Variants in STK32B observed in about 807,000 individuals in gnomAD.
The protein encoded by STK32B is serine/threonine kinase 32B.
STK32B carries 43 observed loss-of-function variants against 52.6 expected under a neutral mutation model. The ratio of observed to expected loss-of-function variants is 0.82; its 90% CI spans 0.64 to 1.05. The LOEUF is 1.05. Among genes scored for constraint, STK32B ranks in the 50% least tolerant of loss-of-function variants. The probability of loss-of-function intolerance (pLI) is 0.00; values close to 1 mark genes in which losing one functional copy is unlikely to be tolerated. For synonymous variants in STK32B, 238 were observed against 204.3 expected, an observed-to-expected ratio of 1.17 and a Z score of -1.41; for missense variants, 621 against 534.6, an observed-to-expected ratio of 1.16 and a Z score of -1.59.
chr4:5,129,942 T>C (rs944852481), intron 1 of STK32B, among the ~76,000 whole-genome samples: 3 of 152,154 alleles, frequency 2.0e-5, no homozygotes, highest in African/African-American at 4.8e-5. Flanking sequence ...TTCTAGGTGC[T>C]TGGGATGCTG....
chr4:5,312,530 A>G (rs1185002597), intron 3 of STK32B, among the ~76,000 whole-genome samples: 1 of 151,320 alleles, frequency 6.6e-6, no homozygotes, highest in African/African-American at 2.4e-5. Context: ...GAGTGAGAAC[A>G]TGCGTGTTTG....
At chr4:5,449,053 T>C (rs892919512) in intron 7 of STK32B, among the ~76,000 whole-genome samples, 1 of 152,126 alleles carries the variant, frequency 6.6e-6, no homozygotes, top group African/African-American at 2.4e-5. Context: ...AAGAAAGTCA[T>C]AGTGGAGGCT....
At position 5,216,698 on chromosome 4, in the gene STK32B, C is replaced by T. The variant is rs147494559; in HGVS notation, c.260+48248C>T. On this transcript the variant is annotated intron_variant, in intron 3 of 11. Coordinates refer to ENST00000282908, the MANE Select transcript of STK32B (RefSeq NM_018401.3). The stretch of plus-strand genomic sequence containing the variant: ...AGTGTGATGGATGTGCAGAACACAG[C>T]GGGGAAGGCTGAAGGAGCTGGAGGT... Among the ~76,000 whole-genome samples the T allele has an allele frequency of 1.9e-4, 29 of 152,194 alleles. 1 individual carries two copies. In the Middle Eastern group the frequency reaches 0.027, roughly 143 times the overall value.
intron 3 of STK32B, among the ~76,000 whole-genome samples, chr4:5,289,284 A>G (rs759458695): frequency 2.6e-5 from 4 of 152,212 alleles, no homozygotes; most frequent in Non-Finnish European, 4.4e-5. Context: ...GCACACCTGT[A>G]TAAGTTACTT....
intron 4 of STK32B, among the ~76,000 whole-genome samples, chr4:5,373,555 C>T (rs929737206): frequency 2.0e-5 from 3 of 152,200 alleles, no homozygotes; most frequent in Non-Finnish European, 2.9e-5. Flanking sequence ...AGGGAGGCAA[C>T]CTGCTTTACC....
At chr4:5,278,626 T>C (rs540197926) in intron 3 of STK32B, among the ~76,000 whole-genome samples, 1 of 152,314 alleles carries the variant, frequency 6.6e-6, no homozygotes, top group African/African-American at 2.4e-5. Context: ...TCAGAAGTAC[T>C]GAGGCCTGAA....
intron 3 of STK32B, among the ~76,000 whole-genome samples, chr4:5,289,183 C>T (rs1396144694): frequency 6.6e-6 from 1 of 152,124 alleles, no homozygotes; most frequent in Non-Finnish European, 1.5e-5. Flanking sequence ...TGTTACTGTA[C>T]TAAATACCAT....
At chr4:5,027,065 G>A in the STK32B span, among the ~76,000 whole-genome samples, 3 of 152,150 alleles carry the variant, frequency 2.0e-5, no homozygotes, top group African/African-American at 7.2e-5. Context: ...TTGGGGTTGG[G>A]GTAGACTGAA....
At chr4:5,480,662 A>C (rs1326550346) in intron 11 of STK32B, among the ~76,000 whole-genome samples, 1 of 151,890 alleles carries the variant, frequency 6.6e-6, no homozygotes, top group Non-Finnish European at 1.5e-5. Flanking sequence ...TACATGTGCC[A>C]TGTTGGTGTG....
Position 5,143,101 on chromosome 4 carries a change from C to CTCTGTCTGTCTGTCTGTCTG in STK32B, c.108+3153_108+3172dup, listed in dbSNP as rs3072779. On this transcript the variant is annotated intron_variant, in intron 2 of 11. Transcript: ENST00000282908. ...AAAATAAATCTGTTTCTGTCTCTGTCTCTGTCTGTCTGTCTGTCTGTCTGT... is the reference window on the plus strand; with the variant it reads ...AAAATAAATCTGTTTCTGTCTCTGTCTCTGTCTGTCTGTCTGTCTGTCTGTCTGTCTGTCTGTCTGTCTGT... Among the ~76,000 whole-genome samples, 690 of 135,690 alleles carry CTCTGTCTGTCTGTCTGTCTG rather than the reference C, an allele frequency of 5.1e-3. 3 individuals carry two copies. Among genetic ancestry groups the CTCTGTCTGTCTGTCTGTCTG allele is most frequent in the East Asian group, 0.017 (56 of 3,372 alleles). The allele number at this position is 135,690 out of a possible 152,430, so 89.0% of individuals were successfully genotyped here.
rs561477492 is a variant in STK32B, at chr4:5,056,660, T to C, written c.52+4745T>C. 2.0e-5 allele frequency among the ~76,000 whole-genome samples: 3 copies of C among 152,354 alleles called. No homozygotes were observed. The East Asian group carries it at 5.8e-4, about 29-fold the overall frequency. Reference sequence around the variant, plus strand: ...AGAGGAGTATCTTTCTCATAGTAGTTGCAGAAAATGTCCCACGGTTACTTT... The same window carrying C: ...AGAGGAGTATCTTTCTCATAGTAGTCGCAGAAAATGTCCCACGGTTACTTT... On this transcript the variant is annotated intron_variant, in intron 1 of 11. Transcript: ENST00000282908.
At chr4:5,140,440 AT>A (rs796590971) in intron 2 of STK32B, 6,052 of 432,842 alleles carry the variant, frequency 0.014, no homozygotes, top group South Asian at 0.026. Flanking sequence ...ATACTCAGAA[AT>A]TTTTTTTTTT....
At chr4:5,187,656 A>G (rs996043605) in intron 3 of STK32B, among the ~76,000 whole-genome samples, 4 of 152,122 alleles carry the variant, frequency 2.6e-5, no homozygotes, top group Non-Finnish European at 5.9e-5. Flanking sequence ...GCCAATTTCC[A>G]TGGTGTAAAT....
At chr4:5,262,085 T>C (rs1726747753) in intron 3 of STK32B, among the ~76,000 whole-genome samples, 1 of 152,092 alleles carries the variant, frequency 6.6e-6, no homozygotes, top group South Asian at 2.1e-4. Flanking sequence ...CTTCCCCTCA[T>C]CTTTGCTGCT....
chr4:5,317,011 TA>T lies in STK32B; in HGVS notation c.261-14208del, dbSNP rs1730974792. On this transcript the variant is annotated intron_variant, in intron 3 of 11. Transcript: ENST00000282908. ...TATATATGATATAATATATAATATA[TA>T]TAATATATAATATATATGATATAAT... 9.9e-5 allele frequency among the ~76,000 whole-genome samples: 4 copies of T among 40,236 alleles called. 1 individual carries two copies. In the East Asian group the frequency reaches 5.0e-3, roughly 50 times the overall value. The allele number at this position is 40,236 out of a possible 152,430, so 26.4% of individuals were successfully genotyped here.
intron 5 of STK32B, among the ~76,000 whole-genome samples, chr4:5,413,367 C>T (rs1711872945): frequency 6.6e-6 from 1 of 152,120 alleles, no homozygotes; most frequent in African/African-American, 2.4e-5. Context: ...AGGCTTCAGG[C>T]AGGCTTTGAT....
At chr4:5,045,689 A>T in the STK32B span, among the ~76,000 whole-genome samples, 1 of 152,108 alleles carries the variant, frequency 6.6e-6, no homozygotes, top group African/African-American at 2.4e-5. Flanking sequence ...GAGTTAATTC[A>T]TGATTTCGCT....
intron 6 of STK32B, among the ~76,000 whole-genome samples, chr4:5,426,692 C>CAAAAAAAAAAAAAAAAAAAAAAAAAAA (rs746246839): frequency 1.3e-5 from 1 of 78,014 alleles, no homozygotes; most frequent in Non-Finnish European, 2.4e-5. Flanking sequence ...TCCATCTAAA[C>CAAAAAAAAAAAAAAAAAAAAAAAAAAA]AAAAAAAAAA....
At chr4:5,082,744 T>A (rs1472639680) in intron 1 of STK32B, among the ~76,000 whole-genome samples, 4 of 151,874 alleles carry the variant, frequency 2.6e-5, no homozygotes, top group East Asian at 1.9e-4. Context: ...AAAAAAAAAA[T>A]TGGAAAATGT....
Sources: gnomAD v4.1 joint callset for allele counts (sites outside exome capture counted in the v4.1 genomes callset) on GRCh38, gnomAD v4.1.1 for gene constraint, MANE v1.5 for transcripts, NCBI Gene and HGNC (gene_info 2026-07-23, HGNC 2026-07-21) for gene names.